SALL1: variants seen among roughly 807,000 people sequenced by gnomAD.
SALL1 encodes the protein spalt like transcription factor 1.
A neutral mutation model predicts 73.1 loss-of-function variants in SALL1; 10 were observed. That is an observed-to-expected ratio of 0.14 (90% CI 0.08 to 0.23). SALL1 has a LOEUF of 0.23. Among genes scored for constraint, SALL1 ranks in the 10% least tolerant of loss-of-function variants. SALL1 has a pLI of 1.00. For synonymous variants in SALL1, 688 were observed against 689.8 expected, an observed-to-expected ratio of 1.00 and a Z score of 0.04; for missense variants, 1,520 against 1,697.3, an observed-to-expected ratio of 0.90 and a Z score of 1.84.
At position 51,139,932 on chromosome 16, in the gene SALL1, C is replaced by T. The variant is rs1962386365; in HGVS notation, c.2290G>A (p.Val764Ile). 1 of 1,614,160 alleles carries T rather than the reference C, an allele frequency of 6.2e-7. No individual in the cohort carries two copies. The highest frequency in any genetic ancestry group is 2.2e-5 in the East Asian group (1 of 44,878). Reference sequence around the variant, plus strand: ...TGGCAGATGGGGCAGGAATGCTGGACTCTGAGCGGGGGCATAGCACGATGG... The same window carrying T: ...TGGCAGATGGGGCAGGAATGCTGGATTCTGAGCGGGGGCATAGCACGATGG... ...SVHRAMPPLR[V>I]QHSCPICQKK... Residue 764 changes from valine to isoleucine, a missense_variant, in exon 2 of 3, where the codon GTC becomes ATC. This residue lies in a region of SALL1 where 77 missense variants were observed against 117.2 expected (regional missense o/e 0.66). Coordinates refer to ENST00000251020, the MANE Select transcript of SALL1 (RefSeq NM_002968.3).
Position 51,139,440 on chromosome 16 carries a change from C to A in SALL1, c.2782G>T (p.Ala928Ser). The A allele has an allele frequency of 6.2e-7, 1 of 1,614,172 alleles. No individual in the cohort carries two copies. Among genetic ancestry groups the A allele is most frequent in the Non-Finnish European group, 8.5e-7 (1 of 1,180,048 alleles). Residue 928 changes from alanine to serine, a missense_variant, in exon 2 of 3, where the codon GCT (alanine) becomes TCT (serine). Ala to Ser is a moderately conservative substitution (Grantham distance 99). This residue lies in a region of SALL1 where 266 missense variants were observed against 275.1 expected (regional missense o/e 0.97). Transcript: ENST00000251020. ...AISESTSSMQ[A>S]LSPSNSTQEF... ...TGCGTGCTGTTGGACGGGGACAGAG[C>A]CTGCATGGAAGAGGTAGACTCTGAG...
rs755673191 is a variant in SALL1, at chr16:51,141,184, C to T, written c.1038G>A (p.Ala346=). Residue 346 remains alanine (A), a synonymous_variant, in exon 2 of 3, where the codon GCG becomes GCA. Coordinates refer to ENST00000251020, the MANE Select transcript of SALL1 (RefSeq NM_002968.3). The surrounding 1 kb of genome is among the most constrained non-coding windows in gnomAD (Gnocchi z 5.4). ...GSSPNMNILA[A]AVTTPSSEKV... is the part of the protein sequence containing the mutation. ...TTTCAGAGGACGGGGTGGTAACTGC[C>T]GCTGCCAATATGTTCATATTGGGAG... 73 of 1,614,004 alleles carry T rather than the reference C, an allele frequency of 4.5e-5. No individual in the cohort carries two copies. The South Asian group carries it at 5.9e-4, about 13-fold the overall frequency.
At position 51,137,288 on chromosome 16, in the gene SALL1, G is replaced by A. The variant is rs774547742; in HGVS notation, c.3799C>T (p.Leu1267Phe). The A allele has an allele frequency of 6.2e-7, 1 of 1,614,106 alleles. No individual in the cohort carries two copies. The highest frequency in any genetic ancestry group is 8.5e-7 in the Non-Finnish European group (1 of 1,180,030). Residue 1267 changes from leucine to phenylalanine, a missense_variant, in exon 3 of 3, where the codon CTC (leucine) becomes TTC (phenylalanine). By Grantham distance (22) the Leu-to-Phe change is conservative. Around this residue, in one of 7 missense-constraint regions of SALL1, gnomAD observed 318 missense variants for 357.1 expected, o/e 0.89. Coordinates refer to ENST00000251020, the MANE Select transcript of SALL1 (RefSeq NM_002968.3). ...NGGIPPIPGSLGSGNSSPVSG... is the reference protein window; with the variant it reads ...NGGIPPIPGSFGSGNSSPVSG... Reference sequence around the variant, plus strand: ...ACAGGTGAGCTGTTCCCACTGCCGAGGCTTCCAGGAATTGGAGGGATGCCA... The same window carrying A: ...ACAGGTGAGCTGTTCCCACTGCCGAAGCTTCCAGGAATTGGAGGGATGCCA...
chr16:51,140,521 T>C lies in SALL1; in HGVS notation c.1701A>G (p.Ile567Met). 1 of 1,613,508 alleles carries C rather than the reference T, an allele frequency of 6.2e-7. No individual in the cohort carries two copies. The highest frequency in any genetic ancestry group is 1.3e-5 in the African/African-American group (1 of 74,848). The change falls in exon 2 of 3, where the codon ATA becomes ATG. Residue 567 changes from isoleucine (I) to methionine (M), a missense_variant. Around this residue, in one of 7 missense-constraint regions of SALL1, gnomAD observed 276 missense variants for 259.1 expected, o/e 1.07. Transcript: ENST00000251020. This position sits in a 1 kb window ranked among gnomAD's most constrained non-coding sequence, Gnocchi z 5.7. ...CTGGCTCTTCCGTCTTGATGAAGGG[T>C]ATGAGGCTTGGGAGGGTTGGGGGCA... ...LPLPPTLPSL[I>M]PFIKTEEPAP...
rs79146613 is a variant in SALL1 at position 51,142,199 on chromosome 16, C to T, written c.77-54G>A. ...GAAAAGGGGCCAGGACACACAGTCA[C>T]CTATGACTTAAAAAAAAAAAGGCTA... On this transcript the variant is annotated intron_variant, in intron 1 of 2. Coordinates refer to ENST00000251020, the MANE Select transcript of SALL1 (RefSeq NM_002968.3). The T allele has an allele frequency of 0.018, 23,860 of 1,355,282 alleles. 299 individuals are homozygous for T. Among genetic ancestry groups the T allele is most frequent in the Non-Finnish European group, 0.022 (20,709 of 957,950 alleles). The allele number at this position is 1,355,282 out of a possible 1,614,324, so 84.0% of individuals were successfully genotyped here. A position where few individuals can be genotyped will look rare whatever the true frequency, so the allele number is the denominator to read the frequency against.
chr16:51,141,913 G>A lies in SALL1; in HGVS notation c.309C>T (p.Asn103=). The A allele has an allele frequency of 6.2e-7, 1 of 1,612,452 alleles. No individual in the cohort carries two copies. The highest frequency in any genetic ancestry group is 8.5e-7 in the Non-Finnish European group (1 of 1,179,346). The part of the protein sequence containing the change: ...NPDEQMNDTV[N]KTDQVDCSDL... ...CGCTGCAGTCCACTTGATCTGTTTT[G>A]TTAACTGTGTCATTCATTTGTTCAT... Residue 103 remains asparagine (N), a synonymous_variant, in exon 2 of 3, where the codon AAC becomes AAT. Coordinates refer to ENST00000251020, the MANE Select transcript of SALL1 (RefSeq NM_002968.3). This position sits in a 1 kb window ranked among gnomAD's most constrained non-coding sequence, Gnocchi z 5.4.
chr16:51,140,612 G>C lies in SALL1; in HGVS notation c.1610C>G (p.Pro537Arg), dbSNP rs753558782. ...TTTGGTGTCTAGCCAGCTGGTGACT[G>C]GCTTCTCTGGAGGGATGGACATGCC... ...PYGMSIPPEK[P>R]VTSWLDTKPV... Residue 537 changes from proline to arginine, a missense_variant, in exon 2 of 3, where the codon CCA (proline) becomes CGA (arginine). Coordinates refer to ENST00000251020, the MANE Select transcript of SALL1 (RefSeq NM_002968.3). This position sits in a 1 kb window ranked among gnomAD's most constrained non-coding sequence, Gnocchi z 5.7. 15 of 1,613,982 alleles carry C rather than the reference G, an allele frequency of 9.3e-6. No homozygotes were observed. The highest frequency in any genetic ancestry group is 1.2e-5 in the Non-Finnish European group (14 of 1,180,012).
chr16:51,152,094 TG>T (rs1006693576), upstream of SALL1: 2 of 138,524 alleles, frequency 1.4e-5, no homozygotes, highest in Middle Eastern at 4.1e-3. Flanking sequence ...CCCTCCCGCC[TG>T]GCTCGGCGCT....
Position 51,137,185 on chromosome 16 carries a change from G to C in SALL1, c.3902C>G (p.Ala1301Gly), listed in dbSNP as rs1962317093. 2 of 1,614,018 alleles carry C rather than the reference G, an allele frequency of 1.2e-6. No homozygotes were observed. The highest frequency in any genetic ancestry group is 2.7e-5 in the African/African-American group (2 of 74,914). Residue 1301 changes from alanine (A) to glycine (G), a missense_variant, in exon 3 of 3, where the codon GCA (alanine) becomes GGA (glycine). Transcript: ENST00000251020. ...GAAGTTGGTTCCGTTCTCACTGCTTGCCATTTTCTCCAGGCCGGCCAGGGG... is the reference window on the plus strand; with the variant it reads ...GAAGTTGGTTCCGTTCTCACTGCTTCCCATTTTCTCCAGGCCGGCCAGGGG... ...NAPLAGLEKM[A>G]SSENGTNFRF...
At chr16:51,147,153 G>A (rs1187000671) in intron 1 of SALL1, among the ~76,000 whole-genome samples, 1 of 150,426 alleles carries the variant, frequency 6.6e-6, no homozygotes, top group African/African-American at 2.4e-5. Flanking sequence ...AGCCCCCAAA[G>A]AAGAACCTAT....
intron 2 of SALL1, 66 bp from the exon 3 acceptor site, chr16:51,137,618 G>C (rs2143432768): frequency 6.4e-6 from 8 of 1,256,152 alleles, no homozygotes; most frequent in Middle Eastern, 1.9e-4. Flanking sequence ...GAGGGGGAGA[G>C]AAGCTTAATA....
At chr16:51,150,752 T>A in intron 1 of SALL1, 1 of 270,078 alleles carries the variant, frequency 3.7e-6, no homozygotes, top group Non-Finnish European at 5.8e-6. Context: ...CCGGGTGCCC[T>A]GGGGCCGGCG....
intron 1 of SALL1, among the ~76,000 whole-genome samples, chr16:51,148,727 A>G (rs1962553288): frequency 6.6e-6 from 1 of 152,252 alleles, no homozygotes; most frequent in Admixed American, 6.5e-5. Context: ...GCCCTCCTGT[A>G]TGTCCAGCGT....
chr16:51,137,724 C>T (rs1226930387), intron 2 of SALL1, among the ~76,000 whole-genome samples, 172 bp from the exon 3 acceptor site: 1 of 152,192 alleles, frequency 6.6e-6, no homozygotes. Flanking sequence ...GCAACAGGAA[C>T]CATCCATTCC....
At chr16:51,137,587 A>C in intron 2 of SALL1, 35 bp from the exon 3 acceptor site, 1 of 1,513,676 alleles carries the variant, frequency 6.6e-7, no homozygotes, top group Non-Finnish European at 9.1e-7. Context: ...AGAGACAGAG[A>C]GAGAGAGAGA....
intron 1 of SALL1, chr16:51,149,868 TCGGGG>T (rs1189701940): frequency 6.6e-6 from 1 of 151,958 alleles, no homozygotes; most frequent in Non-Finnish European, 1.5e-5. Flanking sequence ...CGGAGCTCTG[TCGGGG>T]CCCAGCTCCC....
intron 2 of SALL1, 124 bp downstream of exon 2, chr16:51,138,564 T>C: frequency 7.9e-7 from 1 of 1,265,218 alleles, no homozygotes; most frequent in Non-Finnish European, 1.1e-6. Flanking sequence ...GTGCAGCAGG[T>C]TCCCTTGCAA....
chr16:51,137,847 G>C (rs188761442), intron 2 of SALL1, among the ~76,000 whole-genome samples: 32 of 152,260 alleles, frequency 2.1e-4, no homozygotes, highest in Admixed American at 2.0e-3. Flanking sequence ...GCTTATAATG[G>C]CCTCAAGCAA....
At chr16:51,152,201 C>G (rs1962634200), upstream of SALL1, 1 of 152,074 alleles carries the variant, frequency 6.6e-6, no homozygotes, top group Non-Finnish European at 1.5e-5. Context: ...GGGTTTGTGG[C>G]TGGGGGGAGG....
Sources: gnomAD v4.1 joint callset for allele counts (sites outside exome capture counted in the v4.1 genomes callset) on GRCh38, gnomAD v4.1.1 for gene constraint, gnomAD v4.1.1 regional missense constraint, Gnocchi (gnomAD v3.1) non-coding constraint, MANE v1.5 for transcripts, NCBI Gene and HGNC (gene_info 2026-07-23, HGNC 2026-07-21) for gene names.